Variants in DUSP15 observed in about 807,000 individuals in gnomAD.
DUSP15 encodes dual specificity protein phosphatase 15.
In DUSP15, 23 loss-of-function variants were observed where a neutral mutation model predicts 26.3. The ratio of observed to expected loss-of-function variants is 0.87; its 90% confidence interval spans 0.63 to 1.24. DUSP15 has a LOEUF of 1.24. Ranked by LOEUF, DUSP15 falls within the 50% of genes most tolerant of loss-of-function variation. The pLI is 0.00. For missense variants in DUSP15, 364 were observed against 320.6 expected (o/e 1.14, Z -1.03); for synonymous variants, 143 against 135.5 (o/e 1.06, Z -0.39).
Position 31,848,562 on chromosome 20 carries a change from G to A in DUSP15, c.730C>T (p.Gln244Ter). The A allele has an allele frequency of 6.4e-7, 1 of 1,569,200 alleles. No homozygotes were observed. Among genetic ancestry groups the A allele is most frequent in the Non-Finnish European group, 8.6e-7 (1 of 1,159,088 alleles). The change falls in exon 10 of 10, where the codon CAG (glutamine) becomes TAG (stop). Residue 244 changes from glutamine (Q) to a stop codon, truncating the protein, a stop_gained. Transcript: ENST00000278979. LOFTEE classifies it low-confidence loss of function (END_TRUNC). The stretch of plus-strand genomic sequence containing the variant: ...GAGCTCCCAGGCCGAAGCTGCACCT[G>A]CACCTGCGGGGGCGGGTGGGGCGAT...
chr20:31,846,475 A>AGAGG (rs71274237), downstream of DUSP15, among the ~76,000 whole-genome samples: 2,337 of 79,532 alleles, frequency 0.029, 69 homozygotes, highest in African/African-American at 0.16. Flanking sequence ...AGAGAGAGAG[A>AGAGG]GGAGAGAGAG....
downstream of DUSP15, among the ~76,000 whole-genome samples, chr20:31,860,445 T>C (rs1341651633): frequency 6.6e-6 from 1 of 152,262 alleles, no homozygotes. Flanking sequence ...TGGGCAGCCC[T>C]GGCCTTTAAA....
chr20:31,863,230 A>G (rs536934960), intron 5 of DUSP15, among the ~76,000 whole-genome samples: 15 of 152,186 alleles, frequency 9.9e-5, no homozygotes, highest in Non-Finnish European at 1.8e-4. Flanking sequence ...ATAGATATCA[A>G]TGAAATTTGA....
At chr20:31,846,137 C>T (rs2062374486), downstream of DUSP15, among the ~76,000 whole-genome samples, 1 of 138,588 alleles carries the variant, frequency 7.2e-6, no homozygotes, top group African/African-American at 3.4e-5. Flanking sequence ...GACACAGACA[C>T]ACACACAGAC....
Position 31,867,127 on chromosome 20 carries a change from G to A in DUSP15, c.82C>T (p.Arg28Ter), listed in dbSNP as rs769244091. The change falls in exon 3 of 7, where the codon CGA (arginine) becomes TGA (stop). Residue 28 changes from arginine to a stop codon, truncating the protein, a stop_gained. Coordinates refer to ENST00000339738, the MANE Select transcript of DUSP15 (RefSeq NM_080611.5). LOFTEE classifies it high-confidence loss of function. ...GAGATGATGTGTGTGATCTTATTTC[G>A]GCCCAGCTGATCCAGGTCTTTGGCA... ...IDAKDLDQLGRNKITHIISIH... is the reference protein window; with the variant it reads ...IDAKDLDQLG 2.7e-4 allele frequency: 430 copies of A among 1,591,058 alleles called. No homozygotes were observed. The highest frequency in any genetic ancestry group is 3.6e-4 in the Non-Finnish European group (415 of 1,168,128).
exon 10 of DUSP15, chr20:31,848,333 G>A: frequency 1.4e-6 from 2 of 1,467,834 alleles, no homozygotes; most frequent in Non-Finnish European, 1.8e-6. Context: ...GCCGGGGGAG[G>A]CCCCAAGTCT....
intron 3 of DUSP15, 26 bp from the exon 4 acceptor site, chr20:31,865,028 A>G: frequency 6.2e-7 from 1 of 1,614,026 alleles, no homozygotes; most frequent in South Asian, 1.1e-5. Context: ...ACACTCAGGC[A>G]GGGGACCTTG....
chr20:31,864,122 G>A, intron 4 of DUSP15, 141 bp from the exon 5 acceptor site: 1 of 1,474,756 alleles, frequency 6.8e-7, no homozygotes, highest in Non-Finnish European at 9.0e-7. Flanking sequence ...GTGAATATGG[G>A]CCAGTACTTA....
At chr20:31,848,473 A>G (rs1213859413) in exon 10 of DUSP15, 7 of 1,612,032 alleles carry the variant, frequency 4.3e-6, no homozygotes, top group Non-Finnish European at 5.9e-6. Flanking sequence ...GAGTGATGCC[A>G]TCGGGGTTGC....
chr20:31,861,738 G>GGGGGGGCCCCCC, intron 6 of DUSP15, 63 bp from the exon 7 acceptor site: 1 of 1,290,718 alleles, frequency 7.7e-7, no homozygotes, highest in Non-Finnish European at 1.0e-6. Context: ...AAGGCAGCCG[G>GGGGGGGCCCCCC]CCCCGCCCCC....
intron 5 of DUSP15, among the ~76,000 whole-genome samples, chr20:31,863,080 G>A (rs6089102): frequency 6.6e-6 from 1 of 152,028 alleles, no homozygotes. Context: ...ATGGCTGGGG[G>A]GGGGGGACAG....
At chr20:31,869,972 G>A in intron 1 of DUSP15, 3 of 1,352,782 alleles carry the variant, frequency 2.2e-6, no homozygotes, top group Non-Finnish European at 1.9e-6. Context: ...GGACAGGATG[G>A]AGAAACAGCC....
At chr20:31,857,955 C>T (rs548844453), downstream of DUSP15, among the ~76,000 whole-genome samples, 239 of 152,212 alleles carry the variant, frequency 1.6e-3, no homozygotes, top group Non-Finnish European at 3.0e-3. Flanking sequence ...TGGTGCAGGT[C>T]GTGGCAGCCT....
In DUSP15 at chr20:31,869,928, T is replaced by G. The variant is rs2062882842; in HGVS notation, c.22-331A>C. ...GGTGCAGGGATGGAAATTCTGGGGC[T>G]GGGGAGGCAGAAAGGCAATGACAGG... On this transcript the variant is annotated intron_variant, in intron 1 of 6. Coordinates refer to ENST00000339738, the MANE Select transcript of DUSP15 (RefSeq NM_080611.5). The G allele has an allele frequency of 2.2e-6, 3 of 1,344,000 alleles. No homozygotes were observed. In the South Asian group the frequency reaches 5.5e-5, roughly 24 times the overall value. The allele number at this position is 1,344,000 out of a possible 1,614,324, so 83.3% of individuals were successfully genotyped here.
intron 9 of DUSP15, chr20:31,848,735 G>A (rs760425764): frequency 2.6e-6 from 4 of 1,520,466 alleles, no homozygotes; most frequent in Non-Finnish European, 3.6e-6. Context: ...GGACTGGAGG[G>A]AGTGTGGGAA....
rs898096389 is a variant in DUSP15, at chr20:31,864,034, G to A, written c.189-53C>T. ...GCACTGCAGGGCAGACCTCTCAGGA[G>A]TTGTTCCGCCCCCACCCCAATTACA... On this transcript the variant is annotated intron_variant, in intron 4 of 6. Transcript: ENST00000339738. 1.4e-5 allele frequency: 23 copies of A among 1,608,652 alleles called. No individual in the cohort carries two copies. The Admixed American group carries it at 3.8e-4, about 27-fold the overall frequency.
rs573858043 is a variant in DUSP15, at chr20:31,866,979, G to A, written c.138+92C>T. 4.0e-6 allele frequency: 5 copies of A among 1,240,178 alleles called. No individual in the cohort carries two copies. The South Asian group carries it at 6.9e-5, about 17-fold the overall frequency. The allele number at this position is 1,240,178 out of a possible 1,614,324, so 76.8% of individuals were successfully genotyped here. ...CAAATGAGTTAACATGAGTCAAGAA[G>A]GAAGCATAGCACCTAGCACATAGTA... On this transcript the variant is annotated intron_variant, in intron 3 of 6. Coordinates refer to ENST00000339738, the MANE Select transcript of DUSP15 (RefSeq NM_080611.5).
chr20:31,861,139 TC>T lies in DUSP15; in HGVS notation c.*263del. Reference sequence around the variant, plus strand: ...AACCCTCCACTCTCCCTCCCTCCCCTCCCGCCGCCTTTAAGGGTGGGCCCCC... The same window carrying T: ...AACCCTCCACTCTCCCTCCCTCCCCTCCGCCGCCTTTAAGGGTGGGCCCCC... On this transcript the variant is annotated 3_prime_UTR_variant, in exon 7 of 7. Transcript: ENST00000339738. 1 of 1,047,656 alleles carries T rather than the reference TC, an allele frequency of 9.5e-7. No homozygotes were observed. Among genetic ancestry groups the T allele is most frequent in the East Asian group, 6.2e-5 (1 of 16,232 alleles). 64.9% of individuals were successfully genotyped at this position (1,047,656 alleles called of 1,614,324 possible).
At position 31,848,609 on chromosome 20, in the gene DUSP15, C is replaced by T. The variant is rs780694127; in HGVS notation, c.727-44G>A. 7.9e-6 allele frequency: 12 copies of T among 1,510,978 alleles called. 1 individual carries two copies. In the Admixed American group the frequency reaches 1.4e-4, roughly 18 times the overall value. 93.6% of individuals were successfully genotyped at this position (1,510,978 alleles called of 1,614,324 possible). A position where few individuals can be genotyped will look rare whatever the true frequency, so the allele number is the denominator to read the frequency against. ...CGATGAGCAGACCCTCTCCATTTCC[C>T]GCCTCGGATGTTCCCATGGGAAGTC... On this transcript the variant is annotated intron_variant, in intron 9 of 9. Coordinates refer to the DUSP15 transcript ENST00000278979.
Sources: gnomAD v4.1 joint callset for allele counts (sites outside exome capture counted in the v4.1 genomes callset) on GRCh38, gnomAD v4.1.1 for gene constraint, MANE v1.5 for transcripts, NCBI Gene and HGNC (gene_info 2026-07-23, HGNC 2026-07-21) for gene names.